ZNF516: variants seen among roughly 807,000 people sequenced by gnomAD.
The protein encoded by ZNF516 is zinc finger protein 516.
A neutral mutation model predicts 79.7 loss-of-function variants in ZNF516; 19 were observed. That is an observed-to-expected ratio of 0.24 (90% CI 0.17 to 0.35). The LOEUF is 0.35. Ranked by LOEUF, ZNF516 falls within the 10% of genes least tolerant of loss-of-function variation. The pLI, the probability that ZNF516 is intolerant of heterozygous loss-of-function variation, is 1.00. For missense variants in ZNF516, 1,678 were observed against 1,679.5 expected (o/e 1.00, Z 0.02); for synonymous variants, 877 against 739.5 (o/e 1.19, Z -3.02).
chr18:76,370,426 A>T, intron 6 of ZNF516, 102 bp downstream of exon 6: 1 of 1,193,924 alleles, frequency 8.4e-7, no homozygotes, highest in South Asian at 1.6e-5. Context: ...ACATCTAGTG[A>T]AAAAAACAAA....
chr18:76,465,243 G>C (rs1913388862), intron 1 of ZNF516, among the ~76,000 whole-genome samples: 1 of 152,190 alleles, frequency 6.6e-6, no homozygotes, highest in Non-Finnish European at 1.5e-5. Flanking sequence ...CAAGGTTTCG[G>C]GTTATGCACA....
rs1599177330 is a variant in ZNF516 at position 76,493,121 on chromosome 18, C to T, written c.-272+2023G>A. On this transcript the variant is annotated intron_variant, in intron 1 of 6. Coordinates refer to ENST00000443185, the MANE Select transcript of ZNF516 (RefSeq NM_014643.4). This position sits in a 1 kb window ranked among gnomAD's most constrained non-coding sequence, Gnocchi z 5.2. ...CTTTTTTTTTTTTCCTCCTCTCCTCCCTACCGTTTCATTTAATGGTAAAAC... is the reference window on the plus strand; with the variant it reads ...CTTTTTTTTTTTTCCTCCTCTCCTCTCTACCGTTTCATTTAATGGTAAAAC... The T allele has an allele frequency of 1.0e-6, 1 of 985,162 alleles. No individual in the cohort carries two copies. The highest frequency in any genetic ancestry group is 1.7e-5 in the African/African-American group (1 of 57,206). The allele number at this position is 985,162 out of a possible 1,614,324, so 61.0% of individuals were successfully genotyped here. A position where few individuals can be genotyped will look rare whatever the true frequency, so the allele number is the denominator to read the frequency against.
intron 3 of ZNF516, among the ~76,000 whole-genome samples, chr18:76,380,617 A>G (rs1599151405): frequency 6.6e-6 from 1 of 152,338 alleles, no homozygotes; most frequent in East Asian, 1.9e-4. Flanking sequence ...TGGTATATTA[A>G]AACTTGGGAA....
intron 3 of ZNF516, among the ~76,000 whole-genome samples, chr18:76,421,558 T>C (rs976481143): frequency 1.3e-5 from 2 of 152,188 alleles, no homozygotes; most frequent in Non-Finnish European, 2.9e-5. Flanking sequence ...CAGAACCTGC[T>C]AGACAACTCA....
chr18:76,423,851 G>C (rs1226321664), intron 3 of ZNF516, among the ~76,000 whole-genome samples: 2 of 137,094 alleles, frequency 1.5e-5, no homozygotes, highest in Admixed American at 7.6e-5. Context: ...AGGTGAAAAG[G>C]CTCCCCCAAA....
At position 76,371,548 on chromosome 18, in the gene ZNF516, G is replaced by A. The variant is rs771642998; in HGVS notation, c.3283C>T (p.Pro1095Ser). Reference protein sequence around the residue: ...HRGTLRTQARPGEFVCIECGK... With the variant: ...HRGTLRTQARSGEFVCIECGK... ...CACTCGATGCAGACGAACTCTCCTG[G>A]CCGGGCCTGCGTCCGGAGTGTCCCT... Residue 1095 changes from proline (P) to serine (S), a missense_variant, in exon 5 of 7, where the codon CCA (proline) becomes TCA (serine). This residue lies in a region of ZNF516 where 1,294 missense variants were observed against 1,248.3 expected (regional missense o/e 1.04). Coordinates refer to ENST00000443185, the MANE Select transcript of ZNF516 (RefSeq NM_014643.4). 1.9e-6 allele frequency: 3 copies of A among 1,610,582 alleles called. No individual in the cohort carries two copies. Among genetic ancestry groups the A allele is most frequent in the Non-Finnish European group, 1.7e-6 (2 of 1,179,720 alleles).
chr18:76,377,095 A>T (rs1337471623), intron 4 of ZNF516, among the ~76,000 whole-genome samples: 2 of 152,258 alleles, frequency 1.3e-5, no homozygotes, highest in Non-Finnish European at 2.9e-5. Context: ...GAACTCGCTC[A>T]CTGTAACTGA....
intron 3 of ZNF516, among the ~76,000 whole-genome samples, chr18:76,417,185 G>A (rs762513046): frequency 1.3e-5 from 2 of 152,164 alleles, no homozygotes; most frequent in Non-Finnish European, 2.9e-5. Flanking sequence ...GCTACTGAAC[G>A]GCTCATCTGG....
chr18:76,404,845 G>A (rs575173503), intron 3 of ZNF516, among the ~76,000 whole-genome samples: 1 of 152,348 alleles, frequency 6.6e-6, no homozygotes, highest in East Asian at 1.9e-4. Context: ...CACTGTAACT[G>A]TGTGCATGTG....
chr18:76,377,529 C>T (rs970091213), intron 4 of ZNF516, among the ~76,000 whole-genome samples: 5 of 152,346 alleles, frequency 3.3e-5, no homozygotes, highest in Admixed American at 3.3e-4. Flanking sequence ...AAGCCAGGAG[C>T]TCAGCAGGTG....
chr18:76,392,447 C>T (rs1013286212), intron 3 of ZNF516, among the ~76,000 whole-genome samples: 1 of 151,650 alleles, frequency 6.6e-6, no homozygotes, highest in Admixed American at 6.6e-5. Context: ...GCCTGGGAAG[C>T]CCTTTGCATG....
rs1913527903 is a variant in ZNF516, at chr18:76,467,156, CCCTTCT to C, written c.-271-4021_-271-4016del. On this transcript the variant is annotated intron_variant, in intron 1 of 6. Transcript: ENST00000443185. This position sits in a 1 kb window ranked among gnomAD's most constrained non-coding sequence, Gnocchi z 4.2. Reference sequence around the variant, plus strand: ...GTCTCTCGGAACCTGCAGCTCACAGCCCTTCTGGGTTGGCAGGAAGTCCTGCGTGTC... The same window carrying C: ...GTCTCTCGGAACCTGCAGCTCACAGCGGGTTGGCAGGAAGTCCTGCGTGTC... Among the ~76,000 whole-genome samples the C allele has an allele frequency of 7.5e-6, 1 of 133,610 alleles. No homozygotes were observed. Among genetic ancestry groups the C allele is most frequent in the African/African-American group, 3.1e-5 (1 of 31,968 alleles). The allele number at this position is 133,610 out of a possible 152,430, so 87.7% of individuals were successfully genotyped here.
intron 1 of ZNF516, among the ~76,000 whole-genome samples, chr18:76,472,891 T>C (rs1771787189): frequency 6.6e-6 from 1 of 152,186 alleles, no homozygotes; most frequent in Non-Finnish European, 1.5e-5. Context: ...AACTATGTCA[T>C]GTAAAAATTA....
chr18:76,419,649 C>A (rs376921906), intron 3 of ZNF516, among the ~76,000 whole-genome samples: 1 of 152,240 alleles, frequency 6.6e-6, no homozygotes, highest in South Asian at 2.1e-4. Context: ...CAAGACCTGA[C>A]GGTTTGATAA....
Position 76,443,025 on chromosome 18 carries a change from CT to C in ZNF516, c.29del (p.Glu10GlyfsTer2). MDRNREAEM[E>X]LRRGPSPTRA... ...TGGTGGGGCTGGGGCCTCGCCTCAG[CT>C]CCATCTCGGCCTCTCTGTTGCGATC... On this transcript the variant is annotated frameshift_variant, in exon 3 of 7. Transcript: ENST00000443185. LOFTEE classifies it high-confidence loss of function. The C allele has an allele frequency of 6.3e-7, 1 of 1,596,300 alleles. No individual in the cohort carries two copies.
intron 2 of ZNF516, among the ~76,000 whole-genome samples, chr18:76,461,964 G>A (rs1357683649): frequency 6.6e-6 from 1 of 152,252 alleles, no homozygotes; most frequent in Non-Finnish European, 1.5e-5. Context: ...CCCTCCTCCT[G>A]TGACTCTGTG....
chr18:76,422,284 G>T (rs993098596), intron 3 of ZNF516, among the ~76,000 whole-genome samples: 1 of 152,210 alleles, frequency 6.6e-6, no homozygotes, highest in Admixed American at 6.5e-5. Context: ...CCTGCGGAGA[G>T]CGGGCCGGTC....
chr18:76,476,621 G>T (rs1052064716), intron 1 of ZNF516, among the ~76,000 whole-genome samples: 2 of 152,210 alleles, frequency 1.3e-5, no homozygotes, highest in Admixed American at 6.5e-5. Flanking sequence ...GTGGTCAAAT[G>T]AATATGAAAG....
Position 76,473,355 on chromosome 18 carries a change from C to CA in ZNF516, c.-271-10215dup, listed in dbSNP as rs35092154. Among the ~76,000 whole-genome samples the CA allele has an allele frequency of 8.1e-3, 708 of 87,534 alleles. 14 individuals carry two copies. The highest frequency in any genetic ancestry group is 0.011 in the East Asian group (34 of 3,150). The allele number at this position is 87,534 out of a possible 152,430, so 57.4% of individuals were successfully genotyped here. A position where few individuals can be genotyped will look rare whatever the true frequency, so the allele number is the denominator to read the frequency against. On this transcript the variant is annotated intron_variant, in intron 1 of 6. Transcript: ENST00000443185. The stretch of plus-strand genomic sequence containing the variant: ...AATTAAATTGACTATTTGCTCTCTG[C>CA]AAAAAAAAAAAAAAAAAAAAAAAAC...
Sources: gnomAD v4.1 joint callset for allele counts (sites outside exome capture counted in the v4.1 genomes callset) on GRCh38, gnomAD v4.1.1 for gene constraint, gnomAD v4.1.1 regional missense constraint, Gnocchi (gnomAD v3.1) non-coding constraint, MANE v1.5 for transcripts, NCBI Gene and HGNC (gene_info 2026-07-23, HGNC 2026-07-21) for gene names.